Variants in GOLM2 observed in about 807,000 individuals in gnomAD.
GOLM2 encodes the protein golgi membrane protein 2.
In GOLM2, 26 loss-of-function variants were observed where a neutral mutation model predicts 55.9. The ratio of observed to expected loss-of-function variants is 0.47; its 90% confidence interval spans 0.34 to 0.65. The LOEUF (loss-of-function observed/expected upper bound fraction) is 0.65, where lower values mean the gene tolerates loss of function less well. Ranked by LOEUF, GOLM2 falls within the 30% of genes least tolerant of loss-of-function variation. The pLI is 0.01. For synonymous variants in GOLM2, 165 were observed against 194.6 expected (o/e 0.85, Z 1.27); for missense variants, 486 against 531.8 (o/e 0.91, Z 0.85).
At chr15:44,360,149 G>A (rs1255220356) in intron 6 of GOLM2, among the ~76,000 whole-genome samples, 2 of 152,076 alleles carry the variant, frequency 1.3e-5, no homozygotes, top group African/African-American at 2.4e-5. Context: ...ATCAACTAAC[G>A]AGCAAAATAA....
At chr15:44,410,056 G>T (rs1169651238) in intron 9 of GOLM2, among the ~76,000 whole-genome samples, 1 of 152,020 alleles carries the variant, frequency 6.6e-6, no homozygotes, top group African/African-American at 2.4e-5. Flanking sequence ...AGTCCTAAAA[G>T]ATGTGTTTAT....
chr15:44,383,795 C>T lies in GOLM2; in HGVS notation c.1072+2819C>T, dbSNP rs1335909380. Among the ~76,000 whole-genome samples, 13 of 151,422 alleles carry T rather than the reference C, an allele frequency of 8.6e-5. No homozygotes were observed. In the East Asian group the frequency reaches 2.5e-3, roughly 29 times the overall value. On this transcript the variant is annotated intron_variant, in intron 8 of 9. Transcript: ENST00000299957. ...GGGTTCAAATGATCCTCCCTTCTCA[C>T]CTTCCTCAGTAGCTGAGACCACAGG...
Position 44,311,741 on chromosome 15 carries a change from C to T in GOLM2, c.328-11224C>T, listed in dbSNP as rs543519445. Among the ~76,000 whole-genome samples the T allele has an allele frequency of 1.2e-3, 189 of 152,198 alleles. 2 individuals carry two copies. The highest frequency in any genetic ancestry group is 2.7e-3 in the South Asian group (13 of 4,814). ...CTTGGCTCACTGCAACCTCTGCCTC[C>T]CGGGTTCAAGCGATTCTCCTGCCTC... On this transcript the variant is annotated intron_variant, in intron 1 of 9. Transcript: ENST00000299957.
chr15:44,413,578 T>C lies in GOLM2; in HGVS notation c.*172T>C. ...TGTACCCATGTACATATGTGAACTTTTTCATATTGTATTATCAAGGTATAG... is the reference window on the plus strand; with the variant it reads ...TGTACCCATGTACATATGTGAACTTCTTCATATTGTATTATCAAGGTATAG... On this transcript the variant is annotated 3_prime_UTR_variant, in exon 10 of 10. Transcript: ENST00000299957. 1 of 505,294 alleles carries C rather than the reference T, an allele frequency of 2.0e-6. No homozygotes were observed. Among genetic ancestry groups the C allele is most frequent in the South Asian group, 3.4e-5 (1 of 29,422 alleles). 31.3% of individuals were successfully genotyped at this position (505,294 alleles called of 1,614,324 possible).
intron 8 of GOLM2, among the ~76,000 whole-genome samples, chr15:44,383,130 T>A (rs2079416119): frequency 6.6e-6 from 1 of 151,146 alleles, no homozygotes. Flanking sequence ...TATATACATA[T>A]ACAGAATATA....
intron 1 of GOLM2, among the ~76,000 whole-genome samples, chr15:44,296,056 AAG>A (rs1207025085): frequency 9.2e-5 from 14 of 152,146 alleles, no homozygotes; most frequent in Admixed American, 1.3e-4. Context: ...TTGTCTTTTA[AAG>A]AGATGGGGTC....
chr15:44,407,896 C>T (rs949268846), intron 9 of GOLM2, among the ~76,000 whole-genome samples: 4 of 151,622 alleles, frequency 2.6e-5, no homozygotes, highest in African/African-American at 2.4e-5. Flanking sequence ...GGATTACAGG[C>T]GTCCACCATC....
chr15:44,379,450 C>G (rs2079386901), intron 6 of GOLM2, among the ~76,000 whole-genome samples: 1 of 151,988 alleles, frequency 6.6e-6, no homozygotes, highest in South Asian at 2.1e-4. Context: ...TGCACTCCAG[C>G]CTGGGAGACA....
intron 1 of GOLM2, chr15:44,307,870 G>A (rs1478079931): frequency 6.6e-6 from 1 of 152,118 alleles, no homozygotes; most frequent in Non-Finnish European, 1.5e-5. Flanking sequence ...ATAAGGACAG[G>A]AGGAACATAA....
intron 8 of GOLM2, among the ~76,000 whole-genome samples, chr15:44,389,263 C>T (rs540832865): frequency 1.3e-5 from 2 of 152,256 alleles, no homozygotes; most frequent in African/African-American, 4.8e-5. Context: ...GGCACAGTGG[C>T]ACACGCCTGT....
At chr15:44,374,068 T>C (rs886842016) in intron 6 of GOLM2, among the ~76,000 whole-genome samples, 2 of 152,050 alleles carry the variant, frequency 1.3e-5, no homozygotes, top group South Asian at 4.2e-4. Context: ...GTCACTTCAT[T>C]CTAGCCTGGG....
At chr15:44,360,343 G>A (rs1053314529) in intron 6 of GOLM2, among the ~76,000 whole-genome samples, 2 of 152,096 alleles carry the variant, frequency 1.3e-5, no homozygotes, top group Non-Finnish European at 2.9e-5. Context: ...GCTCAAAATA[G>A]AAGCATGGAG....
chr15:44,393,781 T>C (rs1185811863), intron 8 of GOLM2, among the ~76,000 whole-genome samples: 1 of 152,188 alleles, frequency 6.6e-6, no homozygotes, highest in Non-Finnish European at 1.5e-5. Flanking sequence ...AATCTCCACC[T>C]CACAGGTTCA....
rs546808372 is a variant in GOLM2, at chr15:44,323,122, C to A, written c.382+103C>A. 8 of 690,700 alleles carry A rather than the reference C, an allele frequency of 1.2e-5. No individual in the cohort carries two copies. In the Admixed American group the frequency reaches 1.8e-4, roughly 15 times the overall value. The allele number at this position is 690,700 out of a possible 1,614,324, so 42.8% of individuals were successfully genotyped here. A position where few individuals can be genotyped will look rare whatever the true frequency, so the allele number is the denominator to read the frequency against. Reference sequence around the variant, plus strand: ...AATTAGCCTAGTGAAATACAATTTTCTGAACAAACTCCTCTGATGGTAAAA... The same window carrying A: ...AATTAGCCTAGTGAAATACAATTTTATGAACAAACTCCTCTGATGGTAAAA... On this transcript the variant is annotated intron_variant, in intron 2 of 9. Coordinates refer to ENST00000299957, the MANE Select transcript of GOLM2 (RefSeq NM_138423.4).
At chr15:44,327,335 G>A (rs905673510) in intron 2 of GOLM2, among the ~76,000 whole-genome samples, 4 of 151,542 alleles carry the variant, frequency 2.6e-5, no homozygotes, top group East Asian at 4.0e-4. Context: ...CAGAAGGATC[G>A]CTTGAGCTCA....
chr15:44,415,157 A>C lies in GOLM2; in HGVS notation c.*1751A>C, dbSNP rs1020105049. The C allele has an allele frequency of 6.6e-6, 1 of 152,570 alleles. No individual in the cohort carries two copies. The highest frequency in any genetic ancestry group is 1.5e-5 in the Non-Finnish European group (1 of 68,024). 9.5% of individuals were successfully genotyped at this position (152,570 alleles called of 1,614,324 possible). On this transcript the variant is annotated 3_prime_UTR_variant, in exon 10 of 10. Coordinates refer to ENST00000299957, the MANE Select transcript of GOLM2 (RefSeq NM_138423.4). ...GTTTGAAATTGCTCAATGACTAGGA[A>C]AAGATGTAGTAGTTTACTAAAATTG...
intron 6 of GOLM2, among the ~76,000 whole-genome samples, chr15:44,340,496 G>A (rs888073313): frequency 1.3e-5 from 2 of 152,152 alleles, no homozygotes; most frequent in African/African-American, 2.4e-5. Flanking sequence ...GTCTTCAAGC[G>A]ATAGTCCCGC....
chr15:44,353,492 G>A (rs1316137986), intron 6 of GOLM2, among the ~76,000 whole-genome samples: 1 of 152,128 alleles, frequency 6.6e-6, no homozygotes, highest in East Asian at 1.9e-4. Flanking sequence ...CTTGTTTATT[G>A]CACTATTCGC....
At chr15:44,294,939 G>C (rs148750802) in intron 1 of GOLM2, among the ~76,000 whole-genome samples, 1,720 of 151,514 alleles carry the variant, frequency 0.011, 41 homozygotes, top group African/African-American at 0.04. Flanking sequence ...AGATATGCTC[G>C]TTGCTACTAT....
Sources: gnomAD v4.1 joint callset for allele counts (sites outside exome capture counted in the v4.1 genomes callset) on GRCh38, gnomAD v4.1.1 for gene constraint, MANE v1.5 for transcripts, NCBI Gene and HGNC (gene_info 2026-07-23, HGNC 2026-07-21) for gene names.